RFFL: variants seen among roughly 807,000 people sequenced by gnomAD.
The protein encoded by RFFL is ring finger and FYVE like domain containing E3 ubiquitin protein ligase.
In RFFL, 16 loss-of-function variants were observed where a neutral mutation model predicts 40.4. The observed-to-expected ratio is 0.40, with a 90% CI of 0.27 to 0.60. The LOEUF (loss-of-function observed/expected upper bound fraction) is 0.60. RFFL is among the 20% of genes least tolerant of loss of function. The probability of loss-of-function intolerance (pLI) is 0.47; values close to 1 mark genes in which losing one functional copy is unlikely to be tolerated. For missense variants in RFFL, 367 were observed against 451.7 expected (o/e 0.81, Z 1.70); for synonymous variants, 154 against 167.9 (o/e 0.92, Z 0.64).
intron 1 of RFFL, among the ~76,000 whole-genome samples, chr17:35,079,493 G>C (rs1293984693): frequency 2.0e-5 from 3 of 152,190 alleles, no homozygotes; most frequent in Non-Finnish European, 2.9e-5. Flanking sequence ...TTTGGGTAGT[G>C]CAAGAGACAT....
At chr17:35,016,771 G>A (rs1021229941) in intron 4 of RFFL, among the ~76,000 whole-genome samples, 191 bp from the exon 5 acceptor site, 2 of 152,094 alleles carry the variant, frequency 1.3e-5, no homozygotes, top group South Asian at 4.1e-4. Flanking sequence ...CCTGACCCAC[G>A]ATTCTGTGCT....
intron 1 of RFFL, among the ~76,000 whole-genome samples, chr17:35,050,462 G>C (rs2091225199): frequency 1.3e-5 from 2 of 152,008 alleles, no homozygotes; most frequent in South Asian, 4.1e-4. Flanking sequence ...CCTGGGCTCA[G>C]GTGATCCACC....
intron 1 of RFFL, among the ~76,000 whole-genome samples, chr17:35,073,557 T>C (rs996903471): frequency 2.6e-5 from 4 of 152,206 alleles, no homozygotes; most frequent in Admixed American, 6.5e-5. Flanking sequence ...CAGGACTTCA[T>C]ATGTAGTGAA....
At chr17:35,032,950 C>T (rs1185000983) in intron 1 of RFFL, among the ~76,000 whole-genome samples, 1 of 152,074 alleles carries the variant, frequency 6.6e-6, no homozygotes, top group Non-Finnish European at 1.5e-5. Flanking sequence ...TCCATGTGTG[C>T]TCTTTGCCTA....
intron 1 of RFFL, among the ~76,000 whole-genome samples, chr17:35,033,826 C>G (rs2091101283): frequency 6.6e-6 from 1 of 151,770 alleles, no homozygotes; most frequent in Admixed American, 6.6e-5. Context: ...GAGCAACACA[C>G]TGAGACTCCA....
chr17:35,075,019 C>T (rs558655510), intron 1 of RFFL, among the ~76,000 whole-genome samples: 20 of 152,310 alleles, frequency 1.3e-4, no homozygotes, highest in African/African-American at 4.8e-4. Flanking sequence ...TAACATCTGT[C>T]ACCAAACAAC....
Position 35,016,574 on chromosome 17 carries a change from C to A in RFFL, c.682G>T (p.Asp228Tyr). ...VPAEDETQSIDSEDSFVPGRR... is the reference protein window; with the variant it reads ...VPAEDETQSIYSEDSFVPGRR... ...CCTGGGACAAAGCTGTCCTCTGAGT[C>A]AATAGACTGCAATGACAAAGATGAG... The change falls in exon 5 of 7, where the codon GAC becomes TAC. Residue 228 changes from aspartate to tyrosine, a missense_variant. Coordinates refer to ENST00000394597, the MANE Select transcript of RFFL (RefSeq NM_001017368.2). 6.2e-7 allele frequency: 1 copy of A among 1,613,216 alleles called. No individual in the cohort carries two copies. Among genetic ancestry groups the A allele is most frequent in the South Asian group, 1.1e-5 (1 of 91,022 alleles).
chr17:35,035,072 T>C (rs1597822929), intron 1 of RFFL, among the ~76,000 whole-genome samples: 5 of 152,300 alleles, frequency 3.3e-5, no homozygotes, highest in South Asian at 4.1e-4. Flanking sequence ...TGAACATCTC[T>C]GAAAGAAGAG....
rs1460524926 is a variant in RFFL at position 35,016,535 on chromosome 17, G to C, written c.721C>G (p.Leu241Val). 4 of 1,614,092 alleles carry C rather than the reference G, an allele frequency of 2.5e-6. No homozygotes were observed. In the Admixed American group the frequency reaches 6.7e-5, roughly 27 times the overall value. ...TCCTCCAGGTCAGTCAGGTCAGACA[G>C]AGAGGCCCTTCGGCCTGGGACAAAG... Reference protein sequence around the residue: ...DSFVPGRRASLSDLTDLEDIE... With the variant: ...DSFVPGRRASVSDLTDLEDIE... Residue 241 changes from leucine to valine, a missense_variant, in exon 5 of 7, where the codon CTG becomes GTG. Leu to Val is a conservative substitution (Grantham distance 32). Coordinates refer to ENST00000394597, the MANE Select transcript of RFFL (RefSeq NM_001017368.2).
chr17:35,075,983 A>AT (rs1485493411), intron 1 of RFFL, among the ~76,000 whole-genome samples: 53 of 124,646 alleles, frequency 4.3e-4, no homozygotes, highest in African/African-American at 1.7e-3. Context: ...CTATCAATTT[A>AT]TTCTTTTTTT....
intron 1 of RFFL, among the ~76,000 whole-genome samples, chr17:35,048,351 G>A (rs918141334): frequency 5.3e-5 from 8 of 151,792 alleles, no homozygotes; most frequent in African/African-American, 1.2e-4. Context: ...GCAGTGAGCC[G>A]AGATCACGCC....
chr17:35,043,811 T>C (rs762446458), intron 1 of RFFL, among the ~76,000 whole-genome samples: 13 of 152,318 alleles, frequency 8.5e-5, no homozygotes, highest in Non-Finnish European at 1.6e-4. Flanking sequence ...ATTAAAATGG[T>C]CTGATTTTTG....
intron 6 of RFFL, 61 bp from the exon 7 acceptor site, chr17:35,012,210 T>C (rs1354120285): frequency 6.8e-7 from 1 of 1,465,656 alleles, no homozygotes; most frequent in Non-Finnish European, 9.3e-7. Flanking sequence ...GTCTTAAGTG[T>C]ATAGGGGTGA....
intron 1 of RFFL, among the ~76,000 whole-genome samples, chr17:35,038,257 C>G (rs2091137493): frequency 7.0e-6 from 1 of 142,580 alleles, no homozygotes; most frequent in Non-Finnish European, 1.5e-5. Flanking sequence ...CCATTGCATT[C>G]CTGCCTGGAT....
At chr17:35,042,505 T>A (rs774560826) in intron 1 of RFFL, among the ~76,000 whole-genome samples, 29 of 152,260 alleles carry the variant, frequency 1.9e-4, no homozygotes, top group Non-Finnish European at 3.5e-4. Context: ...GTGATACTAT[T>A]TCTGAGATAT....
intron 1 of RFFL, among the ~76,000 whole-genome samples, chr17:35,058,963 A>G (rs2091275918): frequency 6.6e-6 from 1 of 151,388 alleles, no homozygotes; most frequent in African/African-American, 2.4e-5. Flanking sequence ...GTCTTATGAG[A>G]TCCTGCAGCT....
intron 1 of RFFL, among the ~76,000 whole-genome samples, chr17:35,033,604 G>A (rs1003064845): frequency 1.3e-5 from 2 of 151,854 alleles, no homozygotes; most frequent in African/African-American, 4.9e-5. Flanking sequence ...GTCTATTCCC[G>A]GGCAGGATAA....
At chr17:35,072,656 CCAAT>C (rs2091356698) in intron 1 of RFFL, among the ~76,000 whole-genome samples, 1 of 151,648 alleles carries the variant, frequency 6.6e-6, no homozygotes, top group Non-Finnish European at 1.5e-5. Flanking sequence ...TGAGACATAA[CCAAT>C]GGGAGAAAAA....
At chr17:35,084,244 A>G (rs1336406489) in intron 1 of RFFL, among the ~76,000 whole-genome samples, 1 of 152,226 alleles carries the variant, frequency 6.6e-6, no homozygotes, top group Non-Finnish European at 1.5e-5. Context: ...AAAAAAATAA[A>G]TAAATAAAAA....
Sources: allele counts gnomAD v4.1 joint callset (sites outside exome capture counted in the v4.1 genomes callset), GRCh38; gene constraint gnomAD v4.1.1; transcripts MANE v1.5; gene names NCBI Gene and HGNC (gene_info 2026-07-23, HGNC 2026-07-21).